TBC1D5: variants seen among roughly 807,000 people sequenced by gnomAD.
TBC1D5 encodes TBC1 domain family member 5, also known as TBC1 domain family, member 5.
Under a neutral mutation model 100.3 loss-of-function variants are expected in TBC1D5, and 75 were observed. The ratio of observed to expected loss-of-function variants is 0.75; its 90% CI spans 0.62 to 0.91. The LOEUF (loss-of-function observed/expected upper bound fraction) is 0.91, where lower values mean the gene tolerates loss of function less well. TBC1D5 is among the 40% of genes least tolerant of loss of function. The pLI is 0.00. For synonymous variants in TBC1D5, 323 were observed against 325.6 expected, an observed-to-expected ratio of 0.99 and a Z score of 0.09; for missense variants, 910 against 942.4, an observed-to-expected ratio of 0.97 and a Z score of 0.45.
At chr3:17,177,153 T>G (rs2067855854) in intron 19 of TBC1D5, among the ~76,000 whole-genome samples, 2 of 152,196 alleles carry the variant, frequency 1.3e-5, no homozygotes, top group African/African-American at 4.8e-5. Context: ...GGGTTCCTCC[T>G]GTGGAAAAGC....
intron 18 of TBC1D5, among the ~76,000 whole-genome samples, chr3:17,195,520 G>A (rs2070543812): frequency 6.6e-6 from 1 of 152,204 alleles, no homozygotes; most frequent in South Asian, 2.1e-4. Context: ...AGAAGGGCCT[G>A]AGCCAAGACT....
chr3:17,574,463 C>T (rs993372444), intron 2 of TBC1D5, among the ~76,000 whole-genome samples: 1 of 152,094 alleles, frequency 6.6e-6, no homozygotes, highest in East Asian at 1.9e-4. Context: ...GCACTGCTAT[C>T]AACCATGATG....
chr3:17,171,129 TG>T (rs1290748049), intron 19 of TBC1D5, among the ~76,000 whole-genome samples: 1 of 151,912 alleles, frequency 6.6e-6, no homozygotes, highest in Non-Finnish European at 1.5e-5. Context: ...TGTTCAAGAG[TG>T]GAAGTGGTGG....
At chr3:17,255,417 G>A (rs903953601) in intron 16 of TBC1D5, among the ~76,000 whole-genome samples, 6 of 152,014 alleles carry the variant, frequency 3.9e-5, no homozygotes, top group South Asian at 2.1e-4. Context: ...GGCCAGGATG[G>A]TCTCGATCTC....
At chr3:17,367,965 T>C (rs1266305396) in intron 13 of TBC1D5, among the ~76,000 whole-genome samples, 2 of 148,740 alleles carry the variant, frequency 1.3e-5, no homozygotes, top group Non-Finnish European at 3.0e-5. Flanking sequence ...AAAAACATAA[T>C]ATAAATTACC....
At chr3:17,443,934 G>A (rs2094723206) in intron 3 of TBC1D5, among the ~76,000 whole-genome samples, 1 of 152,058 alleles carries the variant, frequency 6.6e-6, no homozygotes, top group Non-Finnish European at 1.5e-5. Flanking sequence ...GGACAATACA[G>A]CCTCCCAGTA....
intron 2 of TBC1D5, among the ~76,000 whole-genome samples, chr3:17,532,926 T>C (rs902902790): frequency 2.0e-5 from 3 of 151,958 alleles, no homozygotes; most frequent in Admixed American, 6.6e-5. Context: ...ACATGGCACA[T>C]GTATACATAT....
intron 13 of TBC1D5, among the ~76,000 whole-genome samples, chr3:17,325,082 A>G (rs900027412): frequency 1.3e-5 from 2 of 152,182 alleles, no homozygotes; most frequent in African/African-American, 4.8e-5. Context: ...ATATTTTATC[A>G]AACAACCCAG....
intron 1 of TBC1D5, among the ~76,000 whole-genome samples, chr3:17,721,929 C>T (rs1345262577): frequency 6.6e-6 from 1 of 151,868 alleles, no homozygotes; most frequent in African/African-American, 2.4e-5. Context: ...TTGCAGTGAG[C>T]CGAGATCACG....
In TBC1D5 at chr3:17,217,238, C is replaced by T. The variant is rs182828996; in HGVS notation, c.1589-2868G>A. On this transcript the variant is annotated intron_variant, in intron 17 of 21. Transcript: ENST00000253692. ...TCCTTTTAGTTGCCAAATAATATTC[C>T]ATTGTATGGGTACCACATTTAGTTT... Among the ~76,000 whole-genome samples the T allele has an allele frequency of 2.8e-4, 43 of 152,196 alleles. No individual in the cohort carries two copies. The East Asian group carries it at 4.8e-3, about 17-fold the overall frequency.
chr3:17,475,149 T>G (rs1225441749), intron 3 of TBC1D5, among the ~76,000 whole-genome samples: 1 of 152,042 alleles, frequency 6.6e-6, no homozygotes, highest in Non-Finnish European at 1.5e-5. Flanking sequence ...CTCTACATGT[T>G]AAGAGTATCC....
chr3:17,253,785 G>A (rs138241267), intron 16 of TBC1D5, among the ~76,000 whole-genome samples: 1 of 152,216 alleles, frequency 6.6e-6, no homozygotes, highest in East Asian at 1.9e-4. Context: ...ATGTTTATGA[G>A]ATGCATGTAT....
chr3:17,695,385 T>G (rs984740339), intron 1 of TBC1D5, among the ~76,000 whole-genome samples: 2 of 151,534 alleles, frequency 1.3e-5, no homozygotes, highest in Non-Finnish European at 2.9e-5. Context: ...AGGCTAAAAA[T>G]AAAGGGATGG....
Position 17,339,320 on chromosome 3 carries a change from C to T in TBC1D5, c.996-31186G>A, listed in dbSNP as rs142586143. 7.0e-4 allele frequency among the ~76,000 whole-genome samples: 106 copies of T among 152,288 alleles called. 2 individuals are homozygous for T. The South Asian group carries it at 0.011, about 16-fold the overall frequency. ...CTTATGTTTGTCAGAACAGTGCATC[C>T]GTGACAAGTTGAAGTTCCGCTCACC... On this transcript the variant is annotated intron_variant, in intron 13 of 21. Coordinates refer to ENST00000253692, the Ensembl canonical transcript of TBC1D5.
intron 1 of TBC1D5, among the ~76,000 whole-genome samples, chr3:17,725,991 T>C (rs1221338243): frequency 6.6e-6 from 1 of 152,206 alleles, no homozygotes; most frequent in African/African-American, 2.4e-5. Flanking sequence ...CCTGCATTAG[T>C]TCACTTGGGA....
intron 1 of TBC1D5, among the ~76,000 whole-genome samples, chr3:17,659,697 G>A (rs1410640560): frequency 6.6e-6 from 1 of 151,998 alleles, no homozygotes; most frequent in African/African-American, 2.4e-5. Context: ...CTACCAACCA[G>A]GGACAGACAA....
chr3:17,349,840 AAAC>A (rs1367756291), intron 13 of TBC1D5, among the ~76,000 whole-genome samples: 4 of 152,168 alleles, frequency 2.6e-5, no homozygotes, highest in African/African-American at 9.7e-5. Context: ...TTAAACGATT[AAAC>A]AATTAGGAAA....
chr3:17,724,808 T>C (rs1028680880), intron 1 of TBC1D5, among the ~76,000 whole-genome samples: 1 of 152,208 alleles, frequency 6.6e-6, no homozygotes, highest in African/African-American at 2.4e-5. Context: ...AATATATATC[T>C]TACCCTCTTT....
At chr3:17,402,055 A>G (rs1428880825) in intron 8 of TBC1D5, among the ~76,000 whole-genome samples, 2 of 152,066 alleles carry the variant, frequency 1.3e-5, no homozygotes, top group Admixed American at 1.3e-4. Flanking sequence ...AACCAAAATC[A>G]TCCCAAACTT....
Sources: gnomAD v4.1 joint callset for allele counts (sites outside exome capture counted in the v4.1 genomes callset) on GRCh38, gnomAD v4.1.1 for gene constraint, MANE v1.5 for transcripts, NCBI Gene and HGNC (gene_info 2026-07-23, HGNC 2026-07-21) for gene names.